The following RAI1 variants were observed in gnomAD, a reference collection of about 807,000 sequenced individuals.
The protein encoded by RAI1 is retinoic acid-induced protein 1.
Under a neutral mutation model 123.8 loss-of-function variants are expected in RAI1, and 9 were observed. The ratio of observed to expected loss-of-function variants is 0.07; its 90% confidence interval spans 0.04 to 0.13. RAI1 has a LOEUF of 0.13. Ranked by LOEUF, RAI1 falls within the 10% of genes least tolerant of loss-of-function variation. The pLI is 1.00. For missense variants in RAI1, 2,256 were observed against 2,545.8 expected, an observed-to-expected ratio of 0.89 and a Z score of 2.45; for synonymous variants, 1,231 against 1,127.3, an observed-to-expected ratio of 1.09 and a Z score of -1.84.
chr17:17,795,477 C>T lies in RAI1; in HGVS notation c.2529C>T (p.His843=). ...KADRWLEDSR[H]CCSTADFGDL... is the part of the protein sequence containing the mutation. The stretch of plus-strand genomic sequence containing the variant: ...ACCGGTGGCTGGAGGACAGCCGGCA[C>T]TGCTGTTCCACCGCCGACTTCGGGG... The change falls in exon 3 of 6, where the codon CAC becomes CAT. Residue 843 remains histidine, a synonymous_variant. Transcript: ENST00000353383. This position sits in a 1 kb window ranked among gnomAD's most constrained non-coding sequence, Gnocchi z 5.9. The T allele has an allele frequency of 6.3e-7, 1 of 1,585,872 alleles. No individual in the cohort carries two copies.
intron 1 of RAI1, among the ~76,000 whole-genome samples, chr17:17,723,572 C>T (rs1037794312): frequency 3.3e-5 from 5 of 149,936 alleles, no homozygotes; most frequent in Non-Finnish European, 7.4e-5. Context: ...GCGTCGGAGC[C>T]TCGCAGCGGG....
chr17:17,744,459 A>AT (rs1032331568), intron 2 of RAI1, among the ~76,000 whole-genome samples: 9 of 152,272 alleles, frequency 5.9e-5, no homozygotes, highest in African/African-American at 2.2e-4. Context: ...ATTCAAAATC[A>AT]TTTTTTAATT....
In RAI1 at chr17:17,797,053, A is replaced by G; in HGVS notation, c.4105A>G (p.Lys1369Glu). The G allele has an allele frequency of 6.2e-7, 1 of 1,613,942 alleles. No individual in the cohort carries two copies. Among genetic ancestry groups the G allele is most frequent in the East Asian group, 2.2e-5 (1 of 44,888 alleles). The part of the protein sequence containing the change: ...PSLSDKDRGL[K>E]GAGGSPVGVE... ...CCTTTCCGACAAAGACCGTGGGCTC[A>G]AGGGTGCTGGGGGCAGCCCAGTGGG... is the stretch of plus-strand genomic sequence containing the variant. Residue 1369 changes from lysine to glutamate, a missense_variant, in exon 3 of 6, where the codon AAG becomes GAG. Coordinates refer to ENST00000353383, the MANE Select transcript of RAI1 (RefSeq NM_030665.4).
At chr17:17,776,112 C>T (rs117324089) in intron 2 of RAI1, among the ~76,000 whole-genome samples, 3,883 of 152,300 alleles carry the variant, frequency 0.025, 66 homozygotes, top group South Asian at 0.054. Flanking sequence ...CCCTATCTTG[C>T]GCATTGCAGG....
At chr17:17,734,501 T>C (rs1394364849) in intron 2 of RAI1, among the ~76,000 whole-genome samples, 5 of 152,164 alleles carry the variant, frequency 3.3e-5, no homozygotes, top group Non-Finnish European at 7.4e-5. Flanking sequence ...TGGCTGATTC[T>C]AAATTGGGAG....
intron 4 of RAI1, among the ~76,000 whole-genome samples, chr17:17,807,240 G>T (rs1300074757): frequency 6.9e-6 from 1 of 145,684 alleles, no homozygotes; most frequent in Non-Finnish European, 1.5e-5. Context: ...GACTCTGCCA[G>T]CCAGGCGGTG....
chr17:17,718,520 C>T (rs917616782), intron 1 of RAI1, among the ~76,000 whole-genome samples: 5 of 152,126 alleles, frequency 3.3e-5, no homozygotes, highest in Admixed American at 6.5e-5. Context: ...AGGACCATGC[C>T]AGCCCCATGT....
chr17:17,696,984 C>T (rs1475241784), intron 1 of RAI1, among the ~76,000 whole-genome samples: 1 of 152,228 alleles, frequency 6.6e-6, no homozygotes, highest in African/African-American at 2.4e-5. Flanking sequence ...TCTAGCCTCT[C>T]TCTGGAGGCA....
intron 2 of RAI1, among the ~76,000 whole-genome samples, chr17:17,726,222 G>A (rs1432812293): frequency 6.6e-6 from 1 of 152,200 alleles, no homozygotes. Flanking sequence ...ATGGGTCTGG[G>A]GTAGAGGGAA....
chr17:17,758,624 G>T (rs1230222032), intron 2 of RAI1, among the ~76,000 whole-genome samples: 1 of 152,260 alleles, frequency 6.6e-6, no homozygotes, highest in East Asian at 1.9e-4. Context: ...GGGCACCAGA[G>T]ATTTAAAACA....
chr17:17,740,041 C>T (rs1916569888), intron 2 of RAI1, among the ~76,000 whole-genome samples: 1 of 152,230 alleles, frequency 6.6e-6, no homozygotes, highest in African/African-American at 2.4e-5. Flanking sequence ...AATCACAGGC[C>T]AGGCTGAGCC....
At chr17:17,764,431 T>A (rs2030832376) in intron 2 of RAI1, among the ~76,000 whole-genome samples, 3 of 151,850 alleles carry the variant, frequency 2.0e-5, no homozygotes, top group African/African-American at 7.3e-5. Flanking sequence ...TGCCTTTGAG[T>A]TTCACAGACA....
intron 1 of RAI1, among the ~76,000 whole-genome samples, chr17:17,711,235 C>T (rs1174560668): frequency 6.6e-6 from 1 of 152,184 alleles, no homozygotes. Context: ...GGGGGTTGTC[C>T]CTCCTCGACA....
intron 1 of RAI1, among the ~76,000 whole-genome samples, chr17:17,711,524 G>A: frequency 6.6e-6 from 1 of 152,200 alleles, no homozygotes; most frequent in East Asian, 1.9e-4. Flanking sequence ...AGGCTGGGAT[G>A]GAGCTGGAGG....
intron 4 of RAI1, among the ~76,000 whole-genome samples, chr17:17,807,242 C>T (rs1355116696): frequency 7.9e-5 from 1 of 12,698 alleles, no homozygotes; most frequent in Non-Finnish European, 1.5e-4. Flanking sequence ...CTCTGCCAGC[C>T]AGGCGGTGGG....
At position 17,694,913 on chromosome 17, in the gene RAI1, G is replaced by C. The variant is rs1033373024; in HGVS notation, c.-149+13120G>C. 1.3e-4 allele frequency among the ~76,000 whole-genome samples: 20 copies of C among 152,152 alleles called. 1 individual carries two copies. Among genetic ancestry groups the C allele is most frequent in the African/African-American group, 4.6e-4 (19 of 41,538 alleles). ...CGGGGGCTTCCAGTCCCAGCGTTGC[G>C]GCCGGCGCTTGCGGGTTACCGGGCC... On this transcript the variant is annotated intron_variant, in intron 1 of 5. Transcript: ENST00000353383.
intron 2 of RAI1, among the ~76,000 whole-genome samples, chr17:17,789,522 T>C (rs1307758961): frequency 6.6e-6 from 1 of 152,236 alleles, no homozygotes; most frequent in Non-Finnish European, 1.5e-5. Context: ...GGTTTCGTTG[T>C]GCCCCCACTA....
Position 17,809,976 on chromosome 17 carries a change from C to T in RAI1, c.5716C>T (p.Pro1906Ser). The change falls in exon 6 of 6, where the codon CCG (proline) becomes TCG (serine). Residue 1906 changes from proline (P) to serine (S), a missense_variant. By Grantham distance (74) the Pro-to-Ser change is moderately conservative. Around this residue, in one of 7 missense-constraint regions of RAI1, gnomAD observed 243 missense variants for 316.6 expected, o/e 0.77. Transcript: ENST00000353383. The surrounding 1 kb of genome is among the most constrained non-coding windows in gnomAD (Gnocchi z 4.9). Reference protein sequence around the residue: ...SLKCPKHKRLP With the variant: ...SLKCPKHKRLS ...GGGCGGGCGTCTTTTGCAGAGGCTG[C>T]CGTAGTAATCCACCCCAACGGCCGG... 1 of 1,552,560 alleles carries T rather than the reference C, an allele frequency of 6.4e-7. No homozygotes were observed. Among genetic ancestry groups the T allele is most frequent in the Non-Finnish European group, 8.7e-7 (1 of 1,149,764 alleles).
intron 1 of RAI1, among the ~76,000 whole-genome samples, chr17:17,707,696 G>A (rs141777808): frequency 1.5e-3 from 222 of 152,250 alleles, no homozygotes; most frequent in Middle Eastern, 6.8e-3. Context: ...AGGCTCTAGT[G>A]GTCCTCCCAC....
Sources: allele counts gnomAD v4.1 joint callset (sites outside exome capture counted in the v4.1 genomes callset), GRCh38; gene constraint gnomAD v4.1.1; regional missense constraint gnomAD v4.1.1; non-coding constraint Gnocchi (gnomAD v3.1); transcripts MANE v1.5; gene names NCBI Gene and HGNC (gene_info 2026-07-23, HGNC 2026-07-21).